SDK1: variants seen among roughly 807,000 people sequenced by gnomAD.
The protein encoded by SDK1 is protein sidekick-1.
Under a neutral mutation model 245.5 loss-of-function variants are expected in SDK1, and 157 were observed. The ratio of observed to expected loss-of-function variants is 0.64; its 90% CI spans 0.56 to 0.73. The LOEUF (loss-of-function observed/expected upper bound fraction) is 0.73, where lower values mean the gene tolerates loss of function less well. Ranked by LOEUF, SDK1 falls within the 30% of genes least tolerant of loss-of-function variation. SDK1 has a pLI of 0.00. For missense variants in SDK1, 3,583 were observed against 3,002.3 expected, an observed-to-expected ratio of 1.19 and a Z score of -4.52; for synonymous variants, 1,647 against 1,278.5, an observed-to-expected ratio of 1.29 and a Z score of -6.15.
chr7:3,487,398 C>T (rs559626149), intron 1 of SDK1, among the ~76,000 whole-genome samples: 1 of 151,810 alleles, frequency 6.6e-6, no homozygotes, highest in African/African-American at 2.4e-5. Context: ...TCTCAACAAG[C>T]ACAATATTGT....
At chr7:3,377,054 G>A (rs1043484614) in intron 1 of SDK1, among the ~76,000 whole-genome samples, 2 of 152,078 alleles carry the variant, frequency 1.3e-5, no homozygotes, top group East Asian at 1.9e-4. Flanking sequence ...GCCCTGCTTC[G>A]AAAAGTTTAT....
At chr7:3,912,222 G>A (rs1397681472) in intron 5 of SDK1, among the ~76,000 whole-genome samples, 3 of 152,194 alleles carry the variant, frequency 2.0e-5, no homozygotes, top group Non-Finnish European at 4.4e-5. Flanking sequence ...TGAGCCAGTG[G>A]ATCCATTTCT....
At chr7:3,977,652 C>T (rs1274447985) in intron 13 of SDK1, among the ~76,000 whole-genome samples, 1 of 152,246 alleles carries the variant, frequency 6.6e-6, no homozygotes, top group Non-Finnish European at 1.5e-5. Context: ...GTTCAGTTAC[C>T]AGGATGCTGC....
chr7:4,137,897 T>C (rs1779201277), intron 28 of SDK1, among the ~76,000 whole-genome samples: 1 of 152,226 alleles, frequency 6.6e-6, no homozygotes, highest in Non-Finnish European at 1.5e-5. Flanking sequence ...CAAGGACTGC[T>C]ACTCAGCTGC....
At chr7:4,073,156 C>T (rs530638727) in intron 20 of SDK1, among the ~76,000 whole-genome samples, 6 of 152,312 alleles carry the variant, frequency 3.9e-5, no homozygotes, top group Admixed American at 2.0e-4. Flanking sequence ...CTCCTGGCTC[C>T]GGGCGCCTCT....
chr7:4,188,892 C>A (rs550061706), intron 35 of SDK1, among the ~76,000 whole-genome samples: 2 of 152,142 alleles, frequency 1.3e-5, no homozygotes, highest in Non-Finnish European at 2.9e-5. Context: ...GACATTCCTT[C>A]GTTCCACAGA....
intron 4 of SDK1, among the ~76,000 whole-genome samples, chr7:3,755,622 C>G (rs958766679): frequency 2.6e-5 from 4 of 152,106 alleles, no homozygotes; most frequent in African/African-American, 9.7e-5. Flanking sequence ...AAATACAGAA[C>G]GTCATCTCAA....
chr7:3,484,577 T>C (rs1024431384), intron 1 of SDK1, among the ~76,000 whole-genome samples: 2 of 152,220 alleles, frequency 1.3e-5, no homozygotes, highest in Admixed American at 1.3e-4. Flanking sequence ...TATGGTCTCC[T>C]GCCAGTGCTG....
intron 1 of SDK1, among the ~76,000 whole-genome samples, chr7:3,613,504 A>C (rs1781670016): frequency 6.6e-6 from 1 of 152,130 alleles, no homozygotes; most frequent in South Asian, 2.1e-4. Flanking sequence ...TCTAACTGGT[A>C]GCTTATTTTG....
chr7:4,023,048 A>G (rs1305829591), intron 17 of SDK1, among the ~76,000 whole-genome samples: 2 of 152,082 alleles, frequency 1.3e-5, no homozygotes, highest in Admixed American at 6.6e-5. Flanking sequence ...TGCTGGGATT[A>G]CAGGTGTGAG....
intron 4 of SDK1, among the ~76,000 whole-genome samples, chr7:3,762,132 G>C (rs1780123342): frequency 6.6e-6 from 1 of 152,140 alleles, no homozygotes; most frequent in Non-Finnish European, 1.5e-5. Flanking sequence ...CAGCGGTTTG[G>C]GGGATTATAT....
intron 28 of SDK1, among the ~76,000 whole-genome samples, chr7:4,143,878 A>G (rs1303084180): frequency 6.6e-6 from 1 of 152,070 alleles, no homozygotes; most frequent in Non-Finnish European, 1.5e-5. Context: ...GCCTGCGGCG[A>G]GGGTCTGGCA....
At chr7:3,397,033 G>C (rs567733546) in intron 1 of SDK1, among the ~76,000 whole-genome samples, 2 of 151,528 alleles carry the variant, frequency 1.3e-5, no homozygotes, top group Admixed American at 6.6e-5. Flanking sequence ...TACTTTCTTA[G>C]TGGTTATCCT....
intron 5 of SDK1, among the ~76,000 whole-genome samples, chr7:3,941,662 C>CATCT (rs1780372175): frequency 6.6e-6 from 1 of 152,188 alleles, no homozygotes; most frequent in Non-Finnish European, 1.5e-5. Flanking sequence ...CACGGCCTGC[C>CATCT]ATCTCCCTTC....
intron 44 of SDK1, among the ~76,000 whole-genome samples, chr7:4,259,135 G>C (rs1407229898): frequency 1.5e-4 from 23 of 152,140 alleles, no homozygotes; most frequent in Admixed American, 1.4e-3. Flanking sequence ...CTAGAAAACA[G>C]ATGAAGAATA....
chr7:3,947,918 T>A (rs1780643913), intron 5 of SDK1, among the ~76,000 whole-genome samples: 2 of 152,122 alleles, frequency 1.3e-5, no homozygotes, highest in Admixed American at 6.5e-5. Flanking sequence ...TAGGGGAGAT[T>A]GCCTTAGGGA....
chr7:3,453,043 G>C (rs1343296900), intron 1 of SDK1, among the ~76,000 whole-genome samples: 1 of 152,092 alleles, frequency 6.6e-6, no homozygotes, highest in African/African-American at 2.4e-5. Flanking sequence ...CCTCAGCTCT[G>C]TCCTGCTACC....
chr7:3,400,083 G>C (rs1220529576), intron 1 of SDK1, among the ~76,000 whole-genome samples: 1 of 151,844 alleles, frequency 6.6e-6, no homozygotes, highest in Non-Finnish European at 1.5e-5. Flanking sequence ...GCTCCAGAGA[G>C]GGCGCTTTTG....
intron 1 of SDK1, among the ~76,000 whole-genome samples, chr7:3,395,034 G>C (rs1230392754): frequency 2.0e-5 from 3 of 151,958 alleles, no homozygotes; most frequent in African/African-American, 7.2e-5. Flanking sequence ...GTGCTGTGCT[G>C]AATAGAGGAG....
Sources: allele counts gnomAD v4.1 joint callset (sites outside exome capture counted in the v4.1 genomes callset), GRCh38; gene constraint gnomAD v4.1.1; transcripts MANE v1.5; gene names NCBI Gene and HGNC (gene_info 2026-07-23, HGNC 2026-07-21).